RSPO2: variants seen among roughly 807,000 people sequenced by gnomAD.
RSPO2 encodes the protein R-spondin 2.
A neutral mutation model predicts 30.9 loss-of-function variants in RSPO2; 14 were observed. The observed-to-expected ratio is 0.45, with a 90% CI of 0.30 to 0.71. RSPO2 has a LOEUF of 0.71. Ranked by LOEUF, RSPO2 falls within the 30% of genes least tolerant of loss-of-function variation. The pLI is 0.08. For missense variants in RSPO2, 264 were observed against 301.9 expected (o/e 0.87, Z 0.93); for synonymous variants, 107 against 96.4 (o/e 1.11, Z -0.64).
intron 2 of RSPO2, among the ~76,000 whole-genome samples, chr8:108,012,922 C>G (rs1161293309): frequency 6.6e-6 from 1 of 152,182 alleles, no homozygotes; most frequent in Non-Finnish European, 1.5e-5. Context: ...CCCACACAAA[C>G]CTGGCACAGA....
At chr8:107,927,777 T>C (rs997964866) in intron 5 of RSPO2, among the ~76,000 whole-genome samples, 8 of 152,114 alleles carry the variant, frequency 5.3e-5, no homozygotes, top group Non-Finnish European at 1.0e-4. Context: ...AGCTTTTTGA[T>C]GTACTGCTGG....
chr8:108,029,767 G>A (rs1185009272), intron 2 of RSPO2, among the ~76,000 whole-genome samples: 2 of 152,224 alleles, frequency 1.3e-5, no homozygotes, highest in African/African-American at 4.8e-5. Flanking sequence ...CTTAGTGGAT[G>A]AGAAGAGGGT....
intron 2 of RSPO2, among the ~76,000 whole-genome samples, chr8:108,014,833 T>A (rs1810827026): frequency 7.0e-6 from 1 of 142,220 alleles, no homozygotes; most frequent in African/African-American, 2.7e-5. Context: ...GTCCCAGAAC[T>A]TAAAGTATAA....
At chr8:107,965,052 T>C (rs190434878) in intron 3 of RSPO2, among the ~76,000 whole-genome samples, 99 of 152,236 alleles carry the variant, frequency 6.5e-4, no homozygotes, top group African/African-American at 2.3e-3. Context: ...GATCACACAA[T>C]AGATTGTTAA....
intron 2 of RSPO2, among the ~76,000 whole-genome samples, chr8:108,069,528 A>G (rs916540765): frequency 1.3e-5 from 2 of 152,192 alleles, no homozygotes; most frequent in Non-Finnish European, 2.9e-5. Context: ...TTCATTTTAA[A>G]GAGTAAACTC....
chr8:107,965,097 T>C (rs1398338290), intron 3 of RSPO2, among the ~76,000 whole-genome samples: 2 of 152,264 alleles, frequency 1.3e-5, no homozygotes, highest in Admixed American at 6.5e-5. Flanking sequence ...AATAGGTATA[T>C]TAAAATTTAC....
intron 2 of RSPO2, among the ~76,000 whole-genome samples, chr8:108,073,714 A>G (rs1443966557): frequency 6.6e-6 from 1 of 152,246 alleles, no homozygotes; most frequent in Non-Finnish European, 1.5e-5. Context: ...TAAACTCTTT[A>G]GTGGGATTGA....
intron 2 of RSPO2, among the ~76,000 whole-genome samples, chr8:108,044,382 C>T (rs893692487): frequency 3.9e-5 from 6 of 151,982 alleles, no homozygotes; most frequent in African/African-American, 1.4e-4. Flanking sequence ...TCAATTACCC[C>T]CCTCTCTGTG....
At chr8:108,056,017 T>C (rs58777637) in intron 2 of RSPO2, among the ~76,000 whole-genome samples, 3,118 of 152,260 alleles carry the variant, frequency 0.02, 125 homozygotes, top group African/African-American at 0.071. Context: ...TCCCTCAGAT[T>C]CATCTTTAAG....
At chr8:107,931,237 T>C (rs931028562) in intron 5 of RSPO2, among the ~76,000 whole-genome samples, 8 of 152,170 alleles carry the variant, frequency 5.3e-5, no homozygotes, top group Admixed American at 2.6e-4. Context: ...TAGTGCTATT[T>C]CTTTCCTAGT....
Position 107,900,786 on chromosome 8 carries a change from G to T in RSPO2, c.*289C>A. 3.4e-6 allele frequency: 1 copy of T among 296,564 alleles called. No individual in the cohort carries two copies. Among genetic ancestry groups the T allele is most frequent in the Non-Finnish European group, 6.2e-6 (1 of 161,156 alleles). 18.4% of individuals were successfully genotyped at this position (296,564 alleles called of 1,614,324 possible). A position where few individuals can be genotyped will look rare whatever the true frequency, so the allele number is the denominator to read the frequency against. ...CAAGTCCGTCCTCCAGCGGTGTTCT[G>T]CAGCCTCACACCTCTAGCATGTCCA... On this transcript the variant is annotated 3_prime_UTR_variant, in exon 6 of 6. Coordinates refer to ENST00000276659, the MANE Select transcript of RSPO2 (RefSeq NM_178565.5).
chr8:108,053,819 G>C (rs140949810), intron 2 of RSPO2, among the ~76,000 whole-genome samples: 1 of 152,060 alleles, frequency 6.6e-6, no homozygotes, highest in Non-Finnish European at 1.5e-5. Context: ...GCTAAGAAAC[G>C]TAAGAACCAC....
At chr8:107,920,609 AT>A (rs1192176452) in intron 5 of RSPO2, among the ~76,000 whole-genome samples, 18 of 152,178 alleles carry the variant, frequency 1.2e-4, no homozygotes, top group Admixed American at 2.0e-4. Context: ...GCATTTCACA[AT>A]TTGAGTACAT....
At chr8:108,074,723 C>A (rs933459329) in intron 2 of RSPO2, among the ~76,000 whole-genome samples, 3 of 152,092 alleles carry the variant, frequency 2.0e-5, no homozygotes, top group Admixed American at 6.6e-5. Context: ...TGAAACATAC[C>A]GTGTACAGGA....
At chr8:108,028,526 T>A (rs148163388) in intron 2 of RSPO2, among the ~76,000 whole-genome samples, 54 of 152,310 alleles carry the variant, frequency 3.5e-4, no homozygotes, top group African/African-American at 1.3e-3. Context: ...CACTGATGTT[T>A]CCAAAGGAGA....
At chr8:108,032,809 T>C (rs1333760602) in intron 2 of RSPO2, among the ~76,000 whole-genome samples, 2 of 151,652 alleles carry the variant, frequency 1.3e-5, no homozygotes, top group South Asian at 4.2e-4. Flanking sequence ...TTTAAAAATT[T>C]TTTACTTTGG....
rs759193617 is a variant in RSPO2 at position 107,960,792 on chromosome 8, A to T, written c.309T>A (p.Ser103=). 1 of 1,606,778 alleles carries T rather than the reference A, an allele frequency of 6.2e-7. No homozygotes were observed. Among genetic ancestry groups the T allele is most frequent in the Non-Finnish European group, 8.5e-7 (1 of 1,178,070 alleles). The change falls in exon 4 of 6, where the codon TCT becomes TCA. Residue 103 remains serine, a synonymous_variant. Coordinates refer to ENST00000276659, the MANE Select transcript of RSPO2 (RefSeq NM_178565.5). ...TGGTACAAAAGTCTTTGCTAAAGCA[A>T]GAATCACAGTTTTCTATTCTGCATC... ...CARCRIENCD[S]CFSKDFCTKC...
At chr8:108,058,572 G>A (rs926421253) in intron 2 of RSPO2, among the ~76,000 whole-genome samples, 1 of 151,928 alleles carries the variant, frequency 6.6e-6, no homozygotes, top group East Asian at 1.9e-4. Flanking sequence ...AAAGCTGGAG[G>A]CATCACACTA....
chr8:107,952,925 C>G (rs1007740383), intron 5 of RSPO2, among the ~76,000 whole-genome samples: 2 of 151,884 alleles, frequency 1.3e-5, no homozygotes, highest in Non-Finnish European at 2.9e-5. Context: ...GAAAGAATAC[C>G]CTAAAATTAA....
Sources: gnomAD v4.1 joint callset for allele counts (sites outside exome capture counted in the v4.1 genomes callset) on GRCh38, gnomAD v4.1.1 for gene constraint, MANE v1.5 for transcripts, NCBI Gene and HGNC (gene_info 2026-07-23, HGNC 2026-07-21) for gene names.